Variants in FRMD4A observed in about 807,000 individuals in gnomAD.
The protein encoded by FRMD4A is FERM domain-containing protein 4A.
FRMD4A carries 29 observed loss-of-function variants against 129.1 expected under a neutral mutation model. The ratio of observed to expected loss-of-function variants is 0.22; its 90% CI spans 0.17 to 0.31. FRMD4A has a LOEUF of 0.31. Ranked by LOEUF, FRMD4A falls within the 10% of genes least tolerant of loss-of-function variation. The probability of loss-of-function intolerance (pLI) is 1.00; values close to 1 mark genes in which losing one functional copy is unlikely to be tolerated. For synonymous variants in FRMD4A, 634 were observed against 571.6 expected, an observed-to-expected ratio of 1.11 and a Z score of -1.56; for missense variants, 1,272 against 1,375.8, an observed-to-expected ratio of 0.92 and a Z score of 1.19.
chr10:13,983,930 G>A (rs2095571615), intron 2 of FRMD4A, among the ~76,000 whole-genome samples: 2 of 152,022 alleles, frequency 1.3e-5, no homozygotes, highest in African/African-American at 4.8e-5. Context: ...TTGAACCTGG[G>A]AGGCAGAGGT....
At chr10:13,675,888 T>C (rs2083938584) in intron 15 of FRMD4A, 1 of 152,108 alleles carries the variant, frequency 6.6e-6, no homozygotes, top group South Asian at 2.1e-4. Flanking sequence ...TCTAAGTACA[T>C]ATATTTAAAA....
At chr10:14,108,744 T>C (rs1282100298) in intron 2 of FRMD4A, among the ~76,000 whole-genome samples, 1 of 152,120 alleles carries the variant, frequency 6.6e-6, no homozygotes, top group East Asian at 1.9e-4. Flanking sequence ...ATGCCCCTCA[T>C]ATTTGCTAAA....
At chr10:14,159,066 G>GGA (rs143696201) in intron 2 of FRMD4A, among the ~76,000 whole-genome samples, 1 of 152,116 alleles carries the variant, frequency 6.6e-6, no homozygotes, top group African/African-American at 2.4e-5. Flanking sequence ...ACGAGACAAG[G>GGA]GAGAGAGAGA....
At chr10:13,735,002 T>C (rs2090553112) in intron 12 of FRMD4A, among the ~76,000 whole-genome samples, 1 of 152,160 alleles carries the variant, frequency 6.6e-6, no homozygotes, top group African/African-American at 2.4e-5. Context: ...GCTTCCCCAG[T>C]AGCTGGGATT....
intron 2 of FRMD4A, among the ~76,000 whole-genome samples, chr10:13,869,895 C>T (rs1289011823): frequency 6.6e-6 from 1 of 152,192 alleles, no homozygotes; most frequent in East Asian, 1.9e-4. Context: ...GCAGGTTTTA[C>T]TTTTCATCCA....
At chr10:13,982,890 G>A (rs753851776) in intron 2 of FRMD4A, among the ~76,000 whole-genome samples, 56 of 152,124 alleles carry the variant, frequency 3.7e-4, no homozygotes, top group African/African-American at 1.2e-3. Flanking sequence ...ATTTCTCCTC[G>A]CCCTACAGGT....
At chr10:14,164,612 G>C (rs1365135864) in intron 2 of FRMD4A, among the ~76,000 whole-genome samples, 1 of 152,196 alleles carries the variant, frequency 6.6e-6, no homozygotes, top group Admixed American at 6.5e-5. Context: ...TGGGAACAGG[G>C]AGCACGTGGT....
intron 4 of FRMD4A, among the ~76,000 whole-genome samples, chr10:13,803,724 C>T (rs889779340): frequency 1.3e-5 from 2 of 152,162 alleles, no homozygotes; most frequent in African/African-American, 4.8e-5. Flanking sequence ...GAGTCAAGGG[C>T]CAGTGCTTTC....
chr10:14,044,221 C>T (rs1288792845), intron 2 of FRMD4A, among the ~76,000 whole-genome samples: 3 of 152,144 alleles, frequency 2.0e-5, no homozygotes, highest in Non-Finnish European at 4.4e-5. Context: ...TCCTGTCGCC[C>T]CTTTACTTCC....
intron 12 of FRMD4A, among the ~76,000 whole-genome samples, chr10:13,716,364 G>A (rs1564678323): frequency 1.3e-5 from 2 of 152,268 alleles, no homozygotes; most frequent in South Asian, 2.1e-4. Context: ...GGGCTATAAT[G>A]GGAACATATC....
chr10:13,679,113 A>T (rs889814391), intron 15 of FRMD4A, among the ~76,000 whole-genome samples: 15 of 151,966 alleles, frequency 9.9e-5, no homozygotes, highest in Admixed American at 9.2e-4. Context: ...CTTCTATGAG[A>T]TCCACTTTTA....
chr10:13,780,326 C>CAA (rs35947539), intron 6 of FRMD4A, among the ~76,000 whole-genome samples: 12,325 of 145,510 alleles, frequency 0.085, 625 homozygotes, highest in East Asian at 0.26. Context: ...GACTGTGTCT[C>CAA]AAAAAAAAAA....
Position 13,768,976 on chromosome 10 carries a change from C to A in FRMD4A, c.385-6296G>T, listed in dbSNP as rs896999083. ...AGTATGTCTTAGCATTTATAGGAAA[C>A]TTTACTAGATTTTTTTTTTTTTTTT... is the stretch of plus-strand genomic sequence containing the variant. On this transcript the variant is annotated intron_variant, in intron 6 of 24. Transcript: ENST00000357447. Among the ~76,000 whole-genome samples, 3 of 145,294 alleles carry A rather than the reference C, an allele frequency of 2.1e-5. No individual in the cohort carries two copies. In the East Asian group the frequency reaches 6.2e-4, roughly 30 times the overall value.
intron 2 of FRMD4A, among the ~76,000 whole-genome samples, chr10:13,952,476 A>G (rs2095379370): frequency 6.6e-6 from 1 of 152,054 alleles, no homozygotes; most frequent in African/African-American, 2.4e-5. Flanking sequence ...ATTCCAGCCC[A>G]GGTGACAGAG....
intron 2 of FRMD4A, among the ~76,000 whole-genome samples, chr10:14,010,438 T>G (rs950449013): frequency 1.3e-5 from 2 of 152,112 alleles, no homozygotes; most frequent in Admixed American, 1.3e-4. Context: ...GTCTCACACA[T>G]TCCACATCCT....
chr10:14,023,698 T>C (rs568214078), intron 2 of FRMD4A, among the ~76,000 whole-genome samples: 10 of 152,188 alleles, frequency 6.6e-5, no homozygotes, highest in Admixed American at 1.3e-4. Context: ...AGAAATGATG[T>C]GAAGGTTGCA....
At chr10:13,745,562 G>T (rs1278108297) in intron 9 of FRMD4A, among the ~76,000 whole-genome samples, 1 of 152,218 alleles carries the variant, frequency 6.6e-6, no homozygotes, top group African/African-American at 2.4e-5. Flanking sequence ...GAGAGTGTGT[G>T]TGAAGGGCGA....
chr10:14,111,259 A>C (rs1333409497), intron 2 of FRMD4A, among the ~76,000 whole-genome samples: 11 of 152,122 alleles, frequency 7.2e-5, no homozygotes. Flanking sequence ...TGACTGGTTT[A>C]TTTCACTTAG....
intron 2 of FRMD4A, among the ~76,000 whole-genome samples, chr10:14,086,418 A>G (rs1050930781): frequency 2.6e-5 from 4 of 152,218 alleles, no homozygotes; most frequent in African/African-American, 7.2e-5. Context: ...GAAGTGTTAG[A>G]AAAAAATTAT....
Sources: gnomAD v4.1 joint callset for allele counts (sites outside exome capture counted in the v4.1 genomes callset) on GRCh38, gnomAD v4.1.1 for gene constraint, MANE v1.5 for transcripts, NCBI Gene and HGNC (gene_info 2026-07-23, HGNC 2026-07-21) for gene names.